The following TPTE variants were observed in gnomAD, a reference collection of about 807,000 sequenced individuals.
TPTE encodes the protein transmembrane phosphatase with tensin homology.
In TPTE, 59 loss-of-function variants were observed where a neutral mutation model predicts 84.1. The ratio of observed to expected loss-of-function variants is 0.70; its 90% CI spans 0.57 to 0.87. The LOEUF is 0.87. Among genes scored for constraint, TPTE ranks in the 40% least tolerant of loss-of-function variants. The pLI is 0.00. For missense variants in TPTE, 382 were observed against 659.6 expected, an observed-to-expected ratio of 0.58 and a Z score of 4.61; for synonymous variants, 130 against 223.5, an observed-to-expected ratio of 0.58 and a Z score of 3.73.
chr21:10,553,506 C>T (rs570769141), intron 8 of TPTE, among the ~76,000 whole-genome samples: 4 of 152,418 alleles, frequency 2.6e-5, no homozygotes, highest in South Asian at 2.1e-4. Context: ...ATTAGCTATA[C>T]GTTTTCTGTA....
At chr21:10,523,773 T>C (rs2074030983) in intron 1 of TPTE, among the ~76,000 whole-genome samples, 1 of 152,308 alleles carries the variant, frequency 6.6e-6, no homozygotes, top group Non-Finnish European at 1.5e-5. Flanking sequence ...TGCATGTGTC[T>C]GTATAGCAGC....
chr21:10,560,420 A>AGT (rs1164809333), intron 9 of TPTE, among the ~76,000 whole-genome samples: 1 of 152,310 alleles, frequency 6.6e-6, no homozygotes, highest in Admixed American at 6.5e-5. Flanking sequence ...CTAGGCAAAT[A>AGT]GTCTAATCAA....
intron 17 of TPTE, among the ~76,000 whole-genome samples, chr21:10,580,062 G>C (rs2075243995): frequency 1.3e-5 from 2 of 152,310 alleles, no homozygotes; most frequent in African/African-American, 4.8e-5. Flanking sequence ...ACAGGTGTGA[G>C]GATATCTCTT....
intron 18 of TPTE, among the ~76,000 whole-genome samples, chr21:10,591,640 C>A (rs1358601876): frequency 6.6e-6 from 1 of 152,422 alleles, no homozygotes; most frequent in Non-Finnish European, 1.5e-5. Flanking sequence ...GAGCCCTAGA[C>A]TGAGACCCAG....
At chr21:10,589,448 A>G (rs1427766538) in intron 17 of TPTE, among the ~76,000 whole-genome samples, 1 of 151,228 alleles carries the variant, frequency 6.6e-6, no homozygotes, top group Non-Finnish European at 1.5e-5. Context: ...AATCCTGAGT[A>G]CACATTAATC....
chr21:10,534,605 A>G (rs1239715818), intron 3 of TPTE, among the ~76,000 whole-genome samples: 2 of 152,312 alleles, frequency 1.3e-5, no homozygotes, highest in African/African-American at 4.8e-5. Context: ...TCACTAAACC[A>G]TGATGGAGTC....
At chr21:10,598,426 T>C (rs1409130000) in intron 21 of TPTE, among the ~76,000 whole-genome samples, 15 of 152,222 alleles carry the variant, frequency 9.9e-5, no homozygotes, top group African/African-American at 3.6e-4. Context: ...CCATATTCTC[T>C]TCTTCTCCGT....
At chr21:10,550,306 A>C (rs967977631) in intron 7 of TPTE, among the ~76,000 whole-genome samples, 1 of 152,310 alleles carries the variant, frequency 6.6e-6, no homozygotes, top group East Asian at 1.9e-4. Flanking sequence ...GGATTAAAAA[A>C]TAAGACCCCA....
At chr21:10,553,172 A>G (rs1290812568) in intron 8 of TPTE, among the ~76,000 whole-genome samples, 1 of 152,298 alleles carries the variant, frequency 6.6e-6, no homozygotes, top group Admixed American at 6.5e-5. Flanking sequence ...TTTTATTCTT[A>G]TTTGTTTCTA....
chr21:10,525,540 T>C (rs531302410), intron 2 of TPTE, among the ~76,000 whole-genome samples: 3 of 152,428 alleles, frequency 2.0e-5, no homozygotes, highest in Non-Finnish European at 4.4e-5. Flanking sequence ...GTTAAATGAA[T>C]ATCTGTATGT....
At position 10,605,514 on chromosome 21, in the gene TPTE, A is replaced by G. The variant is rs746818662; in HGVS notation, c.1618A>G (p.Lys540Glu). ...TGCCGTGGAGATACTTTTTGGCGAG[A>G]AAATGACTTCCAGTGATGTTGTAGC... ...DFAVEILFGE[K>E]MTSSDVVAGS... The change falls in exon 24 of 24, where the codon AAA becomes GAA. Residue 540 changes from lysine (K) to glutamate (E), a missense_variant. Physicochemically the swap from Lys to Glu is moderately conservative, Grantham distance 56 (BLOSUM62 1). Coordinates refer to ENST00000618007, the MANE Select transcript of TPTE (RefSeq NM_199261.4). 6.2e-7 allele frequency: 1 copy of G among 1,614,226 alleles called. No individual in the cohort carries two copies. Among genetic ancestry groups the G allele is most frequent in the South Asian group, 1.1e-5 (1 of 91,082 alleles).
chr21:10,526,139 C>T (rs1226624646), intron 2 of TPTE, among the ~76,000 whole-genome samples: 1 of 152,302 alleles, frequency 6.6e-6, no homozygotes, highest in Admixed American at 6.5e-5. Flanking sequence ...CTATAGATGC[C>T]TTTCTTTTTG....
At chr21:10,561,308 ATGGTG>A in intron 10 of TPTE, 117 bp downstream of exon 10, 1 of 1,356,054 alleles carries the variant, frequency 7.4e-7, no homozygotes, top group Admixed American at 2.3e-5. Flanking sequence ...CCTGGCCAAC[ATGGTG>A]AAACCCCGTC....
intron 17 of TPTE, among the ~76,000 whole-genome samples, chr21:10,583,597 T>C (rs1420177177): frequency 6.6e-6 from 1 of 152,310 alleles, no homozygotes; most frequent in Non-Finnish European, 1.5e-5. Flanking sequence ...GTCATATGTA[T>C]CATGCTTTCC....
At chr21:10,533,918 A>G (rs940077654) in intron 3 of TPTE, among the ~76,000 whole-genome samples, 2 of 152,310 alleles carry the variant, frequency 1.3e-5, no homozygotes, top group African/African-American at 2.4e-5. Flanking sequence ...AGACAGCATT[A>G]TGGACAGAAA....
chr21:10,552,507 T>A, intron 7 of TPTE, 150 bp from the exon 8 acceptor site: 1 of 1,349,246 alleles, frequency 7.4e-7, no homozygotes, highest in Non-Finnish European at 1.0e-6. Context: ...TAATTTTCTC[T>A]CTTAAATATT....
intron 17 of TPTE, among the ~76,000 whole-genome samples, chr21:10,585,319 G>C (rs2075344713): frequency 1.3e-5 from 2 of 152,032 alleles, no homozygotes; most frequent in Non-Finnish European, 2.9e-5. Context: ...ATCATGAATG[G>C]ATGTTGAATT....
Position 10,528,678 on chromosome 21 carries a change from G to A in TPTE, c.-44+1266G>A, listed in dbSNP as rs181626357. On this transcript the variant is annotated intron_variant, in intron 3 of 23. Transcript: ENST00000618007. ...TATACTCAGAAAGTTACTTCTTATC[G>A]TAAGATTACCAATATAGTCACCAAA... is the stretch of plus-strand genomic sequence containing the variant. Among the ~76,000 whole-genome samples, 189 of 152,336 alleles carry A rather than the reference G, an allele frequency of 1.2e-3. No individual in the cohort carries two copies. In the Middle Eastern group the frequency reaches 0.014, roughly 11 times the overall value.
At chr21:10,583,079 C>T (rs1231010734) in intron 17 of TPTE, among the ~76,000 whole-genome samples, 7 of 152,302 alleles carry the variant, frequency 4.6e-5, no homozygotes. Flanking sequence ...GCACATGTGG[C>T]CACATTTTTG....
Sources: allele counts gnomAD v4.1 joint callset (sites outside exome capture counted in the v4.1 genomes callset), GRCh38; gene constraint gnomAD v4.1.1; transcripts MANE v1.5; gene names NCBI Gene and HGNC (gene_info 2026-07-23, HGNC 2026-07-21).